The following GASK1B variants were observed in gnomAD, a reference collection of about 807,000 sequenced individuals.
The protein encoded by GASK1B is Golgi-associated kinase 1B.
Under a neutral mutation model 42.8 loss-of-function variants are expected in GASK1B, and 34 were observed. The ratio of observed to expected loss-of-function variants is 0.79; its 90% confidence interval spans 0.60 to 1.06. The LOEUF is 1.06. GASK1B is among the 50% of genes least tolerant of loss of function. GASK1B has a pLI of 0.00. For synonymous variants in GASK1B, 262 were observed against 259.1 expected (o/e 1.01, Z -0.11); for missense variants, 686 against 661.0 (o/e 1.04, Z -0.42).
At chr4:158,138,698 T>C (rs1384547267) in intron 3 of GASK1B, among the ~76,000 whole-genome samples, 1 of 152,022 alleles carries the variant, frequency 6.6e-6, no homozygotes, top group Non-Finnish European at 1.5e-5. Context: ...ATAAGCTAAA[T>C]GACTATATTA....
At chr4:158,155,277 C>T (rs1377218550) in intron 3 of GASK1B, among the ~76,000 whole-genome samples, 3 of 152,110 alleles carry the variant, frequency 2.0e-5, no homozygotes, top group African/African-American at 7.2e-5. Flanking sequence ...TTGAAATGGC[C>T]CTGCCAAGCT....
chr4:158,160,970 G>A (rs1731966597), intron 2 of GASK1B, among the ~76,000 whole-genome samples: 2 of 152,076 alleles, frequency 1.3e-5, no homozygotes, highest in Admixed American at 6.6e-5. Context: ...GGTTAGATGG[G>A]AAAAGTGTTG....
rs544324465 is a variant in GASK1B at position 158,126,614 on chromosome 4, G to A, written c.*793C>T. On this transcript the variant is annotated 3_prime_UTR_variant, in exon 5 of 5. Transcript: ENST00000585682. ...GACATCCATTTTAAAATGATACTCT[G>A]TAAGTACATTTTCAGATAGGTAACT... The A allele has an allele frequency of 1.4e-4, 21 of 152,090 alleles. No homozygotes were observed. Among genetic ancestry groups the A allele is most frequent in the African/African-American group, 5.1e-4 (21 of 41,518 alleles). The allele number at this position is 152,090 out of a possible 1,614,324, so 9.4% of individuals were successfully genotyped here.
At chr4:158,141,360 T>A (rs1473089869) in intron 3 of GASK1B, among the ~76,000 whole-genome samples, 1 of 151,604 alleles carries the variant, frequency 6.6e-6, no homozygotes, top group African/African-American at 2.4e-5. Flanking sequence ...CCAGAATGTA[T>A]CAGAAAACAT....
chr4:158,136,537 C>T (rs1403167171), intron 3 of GASK1B, among the ~76,000 whole-genome samples: 2 of 152,112 alleles, frequency 1.3e-5, no homozygotes, highest in East Asian at 3.9e-4. Context: ...CAGCTAAAAA[C>T]AGGGTAAAAT....
intron 2 of GASK1B, among the ~76,000 whole-genome samples, chr4:158,158,593 G>A (rs1001854348): frequency 1.3e-5 from 2 of 151,950 alleles, no homozygotes; most frequent in Non-Finnish European, 2.9e-5. Flanking sequence ...CACTTTAATT[G>A]TAATGCAATA....
intron 3 of GASK1B, among the ~76,000 whole-genome samples, chr4:158,150,440 G>T (rs1731514734): frequency 1.3e-5 from 2 of 152,038 alleles, no homozygotes; most frequent in Admixed American, 1.3e-4. Context: ...ATTCACCAAG[G>T]CCACTCTATC....
chr4:158,130,544 T>C (rs1240164720), intron 4 of GASK1B, among the ~76,000 whole-genome samples: 1 of 152,166 alleles, frequency 6.6e-6, no homozygotes, highest in Non-Finnish European at 1.5e-5. Context: ...AGCAACATCA[T>C]GAATGTGAAA....
intron 2 of GASK1B, among the ~76,000 whole-genome samples, chr4:158,165,101 T>C (rs1448855776): frequency 6.6e-6 from 1 of 152,168 alleles, no homozygotes; most frequent in African/African-American, 2.4e-5. Flanking sequence ...AAATAAAGCA[T>C]ACATAATACA....
intron 3 of GASK1B, among the ~76,000 whole-genome samples, chr4:158,140,638 A>C (rs1354263553): frequency 6.6e-6 from 1 of 152,164 alleles, no homozygotes; most frequent in Non-Finnish European, 1.5e-5. Flanking sequence ...GAGCATACCC[A>C]TCAAGGTTGG....
chr4:158,170,752 G>A lies in GASK1B; in HGVS notation c.624C>T (p.Tyr208=). 1 of 1,614,234 alleles carries A rather than the reference G, an allele frequency of 6.2e-7. No individual in the cohort carries two copies. The highest frequency in any genetic ancestry group is 8.5e-7 in the Non-Finnish European group (1 of 1,180,042). The change falls in exon 2 of 5, where the codon TAC becomes TAT. Residue 208 remains tyrosine, a synonymous_variant. Coordinates refer to ENST00000585682, the MANE Select transcript of GASK1B (RefSeq NM_001128424.2). Reference sequence around the variant, plus strand: ...TCAGCCAGGAGGGGGCGCTCTCGCTGTAGATCCTAATGTTGCTCTCCCTGG... The same window carrying A: ...TCAGCCAGGAGGGGGCGCTCTCGCTATAGATCCTAATGTTGCTCTCCCTGG... The part of the protein sequence containing the change: ...PSSRESNIRI[Y]SESAPSWLSK...
intron 3 of GASK1B, among the ~76,000 whole-genome samples, chr4:158,146,508 T>G (rs900103464): frequency 3.4e-4 from 52 of 152,330 alleles, no homozygotes; most frequent in African/African-American, 1.2e-3. Flanking sequence ...TTCTAAATGC[T>G]TTATGTATAT....
In GASK1B at chr4:158,125,680, T is replaced by G. The variant is rs1730423392; in HGVS notation, c.*1727A>C. ...GTAGAAGCAGAGGGAGACACTCGGG[T>G]CAATAGAGGGAAAATTGAAGAGGAA... On this transcript the variant is annotated 3_prime_UTR_variant, in exon 5 of 5. Coordinates refer to ENST00000585682, the MANE Select transcript of GASK1B (RefSeq NM_001128424.2). The G allele has an allele frequency of 6.6e-6, 1 of 152,048 alleles. No individual in the cohort carries two copies. Among genetic ancestry groups the G allele is most frequent in the Non-Finnish European group, 1.5e-5 (1 of 68,028 alleles). 9.4% of individuals were successfully genotyped at this position (152,048 alleles called of 1,614,324 possible).
chr4:158,154,898 GGTACAGT>G (rs1468808601), intron 3 of GASK1B, among the ~76,000 whole-genome samples: 4 of 151,930 alleles, frequency 2.6e-5, no homozygotes, highest in African/African-American at 7.3e-5. Context: ...CTACACATTG[GGTACAGT>G]GTACACTGAT....
intron 3 of GASK1B, among the ~76,000 whole-genome samples, chr4:158,133,373 C>A (rs531726206): frequency 2.0e-5 from 3 of 151,928 alleles, no homozygotes; most frequent in Admixed American, 6.6e-5. Context: ...TTGAATATAA[C>A]CCGTAAAGAA....
At chr4:158,136,016 G>A (rs1249886315) in intron 3 of GASK1B, among the ~76,000 whole-genome samples, 1 of 152,132 alleles carries the variant, frequency 6.6e-6, no homozygotes, top group East Asian at 1.9e-4. Flanking sequence ...GAAAATACCA[G>A]ATAAACATCT....
chr4:158,154,552 T>C lies in GASK1B; in HGVS notation c.1125+1059A>G, dbSNP rs553844023. 4.3e-4 allele frequency among the ~76,000 whole-genome samples: 66 copies of C among 152,296 alleles called. 1 individual carries two copies. The South Asian group carries it at 0.013, about 31-fold the overall frequency. ...AGAAGTCATTATACAAAAAAGACAC[T>C]TGCACATGCATGTTTATAGCAGCAC... On this transcript the variant is annotated intron_variant, in intron 3 of 4. Transcript: ENST00000585682.
At chr4:158,163,435 G>A (rs1395062628) in intron 2 of GASK1B, among the ~76,000 whole-genome samples, 3 of 152,096 alleles carry the variant, frequency 2.0e-5, no homozygotes, top group African/African-American at 7.2e-5. Context: ...CGGGCGTGGT[G>A]ACAGGCACCT....
At chr4:158,156,800 A>G (rs1444992479) in intron 2 of GASK1B, among the ~76,000 whole-genome samples, 1 of 152,152 alleles carries the variant, frequency 6.6e-6, no homozygotes, top group Non-Finnish European at 1.5e-5. Flanking sequence ...CAAAGATCCA[A>G]TAAAGCCCAC....
Sources: gnomAD v4.1 joint callset for allele counts (sites outside exome capture counted in the v4.1 genomes callset) on GRCh38, gnomAD v4.1.1 for gene constraint, MANE v1.5 for transcripts, NCBI Gene and HGNC (gene_info 2026-07-23, HGNC 2026-07-21) for gene names.